Variants in ROBO2 observed in about 807,000 individuals in gnomAD.
The protein encoded by ROBO2 is roundabout guidance receptor 2, also known as roundabout homolog 2.
A neutral mutation model predicts 160.8 loss-of-function variants in ROBO2; 53 were observed. The ratio of observed to expected loss-of-function variants is 0.33; its 90% CI spans 0.26 to 0.41. ROBO2 has a LOEUF of 0.41. ROBO2 is among the 10% of genes least tolerant of loss of function. The pLI is 1.00. For synonymous variants in ROBO2, 664 were observed against 611.7 expected (o/e 1.09, Z -1.26); for missense variants, 1,577 against 1,722.4 (o/e 0.92, Z 1.49).
intron 5 of ROBO2, among the ~76,000 whole-genome samples, chr3:77,505,469 T>C (rs947608016): frequency 6.6e-6 from 1 of 152,062 alleles, no homozygotes; most frequent in African/African-American, 2.4e-5. Context: ...AGTCAAAAGG[T>C]ATTATTCAGT....
chr3:76,311,348 C>T (rs550651633), intron 2 of ROBO2: 1 of 152,350 alleles, frequency 6.6e-6, no homozygotes, highest in South Asian at 2.1e-4. Context: ...CGTTTTGATG[C>T]TCTTCCTCTC....
intron 2 of ROBO2, among the ~76,000 whole-genome samples, chr3:77,009,252 T>C (rs1337711559): frequency 6.6e-6 from 1 of 152,188 alleles, no homozygotes; most frequent in African/African-American, 2.4e-5. Context: ...TTACCCTCAT[T>C]CCACCAATAA....
At chr3:76,342,227 A>G (rs2074270118) in intron 2 of ROBO2, among the ~76,000 whole-genome samples, 1 of 152,126 alleles carries the variant, frequency 6.6e-6, no homozygotes. Flanking sequence ...TTCATGAACT[A>G]TGAAGAGTCT....
At chr3:76,055,734 A>T (rs2067820717) in intron 2 of ROBO2, among the ~76,000 whole-genome samples, 1 of 152,014 alleles carries the variant, frequency 6.6e-6, no homozygotes, top group Admixed American at 6.6e-5. Flanking sequence ...TATCTAATCA[A>T]CTGTTGACCA....
At chr3:77,609,152 T>A (rs887373037) in intron 21 of ROBO2, among the ~76,000 whole-genome samples, 1 of 152,018 alleles carries the variant, frequency 6.6e-6, no homozygotes, top group African/African-American at 2.4e-5. Flanking sequence ...TCCAAAAGCC[T>A]TCATTTGTCT....
rs571816488 is a variant in ROBO2, at chr3:76,127,879, T to C, written c.109+190277T>C. Among the ~76,000 whole-genome samples the C allele has an allele frequency of 6.0e-5, 9 of 149,728 alleles. No homozygotes were observed. In the Admixed American group the frequency reaches 6.1e-4, roughly 10 times the overall value. ...AATAATCACTTCAAAGAACTGTATG[T>C]TCTTGAAGACATTTCTTTTTTTTTT... On this transcript the variant is annotated intron_variant, in intron 2 of 26. Transcript: ENST00000487694.
intron 2 of ROBO2, among the ~76,000 whole-genome samples, chr3:76,944,468 G>A (rs1352681540): frequency 6.6e-6 from 1 of 152,150 alleles, no homozygotes; most frequent in Non-Finnish European, 1.5e-5. Context: ...CACAGGTATT[G>A]TAATTCTGAG....
At chr3:75,989,888 T>C (rs2065517595) in intron 2 of ROBO2, among the ~76,000 whole-genome samples, 2 of 152,250 alleles carry the variant, frequency 1.3e-5, no homozygotes, top group African/African-American at 4.8e-5. Context: ...AGGCCCATTT[T>C]TGGCGATGTT....
chr3:77,219,058 T>A (rs997187529), intron 2 of ROBO2, among the ~76,000 whole-genome samples: 4 of 152,114 alleles, frequency 2.6e-5, no homozygotes, highest in Non-Finnish European at 4.4e-5. Flanking sequence ...AACCTTTGCC[T>A]TCTGGGTTCA....
At chr3:76,977,761 T>C (rs1424083988) in intron 2 of ROBO2, among the ~76,000 whole-genome samples, 3 of 152,168 alleles carry the variant, frequency 2.0e-5, no homozygotes, top group Non-Finnish European at 4.4e-5. Flanking sequence ...CCGTACTTTG[T>C]TTTGATGTAA....
intron 2 of ROBO2, among the ~76,000 whole-genome samples, chr3:75,960,540 G>A (rs906526853): frequency 4.6e-4 from 70 of 151,528 alleles, no homozygotes; most frequent in African/African-American, 1.6e-3. Flanking sequence ...ATATTTTATC[G>A]GTTAATAAAA....
At chr3:76,141,232 T>C (rs2071657416) in intron 2 of ROBO2, among the ~76,000 whole-genome samples, 1 of 136,318 alleles carries the variant, frequency 7.3e-6, no homozygotes. Flanking sequence ...AATGACATTC[T>C]TTCTGGCTTT....
intron 2 of ROBO2, among the ~76,000 whole-genome samples, chr3:76,385,041 T>A (rs1343800890): frequency 3.3e-5 from 5 of 152,170 alleles, no homozygotes; most frequent in Admixed American, 2.0e-4. Context: ...AGGGCCTTGC[T>A]TTTAGTGCAG....
At chr3:77,243,055 C>A (rs1448722781) in intron 2 of ROBO2, among the ~76,000 whole-genome samples, 2 of 151,498 alleles carry the variant, frequency 1.3e-5, no homozygotes, top group African/African-American at 2.4e-5. Flanking sequence ...TAAATATCTT[C>A]TCCAACCTAT....
chr3:76,966,721 C>G (rs1186691922), intron 2 of ROBO2, among the ~76,000 whole-genome samples: 1 of 152,180 alleles, frequency 6.6e-6, no homozygotes, highest in African/African-American at 2.4e-5. Flanking sequence ...CTATTCTCAC[C>G]TATGAAATGA....
intron 2 of ROBO2, among the ~76,000 whole-genome samples, chr3:76,767,181 C>CGTG (rs1159767456): frequency 6.6e-6 from 1 of 151,554 alleles, no homozygotes; most frequent in Non-Finnish European, 1.5e-5. Context: ...ACGGCTACTA[C>CGTG]AAAAGCCTTT....
chr3:76,365,101 T>C (rs895061375), intron 2 of ROBO2, among the ~76,000 whole-genome samples: 1 of 152,070 alleles, frequency 6.6e-6, no homozygotes, highest in Non-Finnish European at 1.5e-5. Context: ...TTTTCAGAGT[T>C]GAAGCAAATC....
At chr3:76,371,723 A>T (rs998413838) in intron 2 of ROBO2, among the ~76,000 whole-genome samples, 2 of 151,934 alleles carry the variant, frequency 1.3e-5, no homozygotes, top group Non-Finnish European at 2.9e-5. Context: ...TTACATCATT[A>T]CTTCTGGCTC....
chr3:77,475,000 A>G (rs1472245400), intron 2 of ROBO2, among the ~76,000 whole-genome samples: 3 of 151,994 alleles, frequency 2.0e-5, no homozygotes, highest in African/African-American at 7.3e-5. Flanking sequence ...AAATGATTTT[A>G]CTCCTTTTTC....
Sources: gnomAD v4.1 joint callset for allele counts (sites outside exome capture counted in the v4.1 genomes callset) on GRCh38, gnomAD v4.1.1 for gene constraint, MANE v1.5 for transcripts, NCBI Gene and HGNC (gene_info 2026-07-23, HGNC 2026-07-21) for gene names.